The following DPP4 variants were observed in gnomAD, a reference collection of about 807,000 sequenced individuals.
The protein encoded by DPP4 is dipeptidyl peptidase 4.
In DPP4, 93 loss-of-function variants were observed where a neutral mutation model predicts 122.4. That is an observed-to-expected ratio of 0.76 (90% confidence interval 0.64 to 0.90). The LOEUF is 0.90. DPP4 is among the 40% of genes least tolerant of loss of function. The pLI is 0.00. For synonymous variants in DPP4, 321 were observed against 302.9 expected (o/e 1.06, Z -0.62); for missense variants, 914 against 907.3 (o/e 1.01, Z -0.09).
At chr2:162,020,503 C>T in intron 13 of DPP4, 78 bp downstream of exon 13, 1 of 1,171,080 alleles carries the variant, frequency 8.5e-7, no homozygotes, top group Non-Finnish European at 1.2e-6. Context: ...TCCACCTTAC[C>T]AAATGATTTC....
intron 17 of DPP4, 65 bp from the exon 18 acceptor site, chr2:162,016,931 A>G: frequency 6.7e-7 from 1 of 1,497,200 alleles, no homozygotes; most frequent in Non-Finnish European, 9.2e-7. Context: ...ATGTAGTGCA[A>G]TAATGAGCAA....
intron 9 of DPP4, among the ~76,000 whole-genome samples, chr2:162,034,081 G>T (rs907575638): frequency 6.6e-6 from 1 of 151,784 alleles, no homozygotes; most frequent in Non-Finnish European, 1.5e-5. Context: ...AACACCTTGG[G>T]TTCTGCCAAA....
chr2:162,073,331 T>TG, intron 2 of DPP4, 68 bp downstream of exon 2: 1 of 1,530,522 alleles, frequency 6.5e-7, no homozygotes, highest in Non-Finnish European at 9.0e-7. Context: ...TCGTTTCCCT[T>TG]AGCGTGGTAA....
intron 2 of DPP4, among the ~76,000 whole-genome samples, chr2:162,047,789 G>A (rs1024983754): frequency 2.6e-5 from 4 of 152,150 alleles, no homozygotes; most frequent in Non-Finnish European, 5.9e-5. Flanking sequence ...GAAATAGAAT[G>A]TGAGTATATT....
intron 1 of DPP4, 68 bp downstream of exon 1, chr2:162,073,908 C>A: frequency 1.9e-6 from 3 of 1,594,506 alleles, no homozygotes; most frequent in South Asian, 1.1e-5. Flanking sequence ...AGCTTTTGGG[C>A]CATTTGGGGA....
intron 13 of DPP4, 21 bp from the exon 14 acceptor site, chr2:162,020,317 TCAAAA>T: frequency 1.5e-6 from 2 of 1,374,574 alleles, no homozygotes; most frequent in Non-Finnish European, 2.0e-6. Context: ...TTTTTTTTTT[TCAAAA>T]AAAAAAAAAA....
chr2:162,059,465 C>T (rs1684689259), intron 2 of DPP4, among the ~76,000 whole-genome samples: 1 of 152,166 alleles, frequency 6.6e-6, no homozygotes, highest in African/African-American at 2.4e-5. Flanking sequence ...GCCCGTGAAA[C>T]ATGCAACTAT....
chr2:162,035,407 T>C, intron 8 of DPP4, 83 bp from the exon 9 acceptor site: 1 of 1,329,354 alleles, frequency 7.5e-7, no homozygotes, highest in Non-Finnish European at 1.0e-6. Flanking sequence ...CTCATTAGCT[T>C]TAGTAATTAC....
intron 7 of DPP4, 110 bp downstream of exon 7, chr2:162,038,839 A>G (rs1431383714): frequency 4.2e-6 from 4 of 943,752 alleles, no homozygotes; most frequent in South Asian, 2.8e-5. Context: ...ACTATGTTCT[A>G]TAGTGAAGTA....
intron 2 of DPP4, among the ~76,000 whole-genome samples, chr2:162,064,013 G>A (rs1200925171): frequency 6.6e-6 from 1 of 152,148 alleles, no homozygotes; most frequent in Non-Finnish European, 1.5e-5. Flanking sequence ...AGGAGCCTGA[G>A]CATTCATTCC....
At chr2:162,010,820 C>T (rs1032226117) in intron 20 of DPP4, among the ~76,000 whole-genome samples, 106 of 152,096 alleles carry the variant, frequency 7.0e-4, no homozygotes, top group African/African-American at 2.5e-3. Context: ...TTGTCATCTT[C>T]TCCTCTCTCC....
intron 23 of DPP4, among the ~76,000 whole-genome samples, chr2:162,004,009 T>C (rs529993821): frequency 6.6e-6 from 1 of 152,094 alleles, no homozygotes; most frequent in Admixed American, 6.5e-5. Context: ...AGTTTCTGAA[T>C]GGGTGGAGAT....
intron 2 of DPP4, among the ~76,000 whole-genome samples, chr2:162,060,628 A>G (rs933247421): frequency 3.3e-5 from 5 of 152,312 alleles, no homozygotes; most frequent in Admixed American, 1.3e-4. Context: ...AAAAAATTCA[A>G]TGATTCCTCC....
At chr2:162,028,069 A>C (rs1384284483) in intron 10 of DPP4, among the ~76,000 whole-genome samples, 5 of 151,388 alleles carry the variant, frequency 3.3e-5, no homozygotes, top group Non-Finnish European at 7.4e-5. Context: ...AAAAAAAAAA[A>C]AACAAAAAAC....
At chr2:162,026,934 C>T (rs1013480054) in intron 10 of DPP4, among the ~76,000 whole-genome samples, 1 of 152,130 alleles carries the variant, frequency 6.6e-6, no homozygotes, top group African/African-American at 2.4e-5. Flanking sequence ...GCATTGTGGT[C>T]CACATCTCTG....
rs149644529 is a variant in DPP4, at chr2:162,022,802, A to G, written c.1024-3T>C. On this transcript the variant is annotated splice_region_variant and splice_polypyrimidine_tract_variant and intron_variant, in intron 11 of 25. Coordinates refer to ENST00000360534, the MANE Select transcript of DPP4 (RefSeq NM_001935.4). ...CTCATTTCAATGTGTTGCCGTGCCTAGGAAGGGAAAGAGACAATGACAGCA... is the reference window on the plus strand; with the variant it reads ...CTCATTTCAATGTGTTGCCGTGCCTGGGAAGGGAAAGAGACAATGACAGCA... 5.6e-6 allele frequency: 9 copies of G among 1,614,012 alleles called. 1 individual carries two copies. The Middle Eastern group carries it at 5.0e-4, about 89-fold the overall frequency.
intron 10 of DPP4, among the ~76,000 whole-genome samples, chr2:162,028,869 C>T (rs1008772151): frequency 1.3e-5 from 2 of 152,190 alleles, no homozygotes; most frequent in Non-Finnish European, 2.9e-5. Flanking sequence ...TGCCCACTAT[C>T]GCCCAACTGG....
chr2:162,033,483 T>A, intron 10 of DPP4, 58 bp downstream of exon 10: 1 of 1,381,414 alleles, frequency 7.2e-7, no homozygotes, highest in Admixed American at 1.9e-5. Flanking sequence ...TTTTGAAAAG[T>A]TCTCCCTAGA....
At chr2:162,040,849 GATAAGGGAGT>G (rs1420955477) in intron 5 of DPP4, among the ~76,000 whole-genome samples, 4 of 151,842 alleles carry the variant, frequency 2.6e-5, no homozygotes, top group Non-Finnish European at 4.4e-5. Context: ...GGGGAGGGAG[GATAAGGGAGT>G]ATATGGGAAC....
Sources: gnomAD v4.1 joint callset for allele counts (sites outside exome capture counted in the v4.1 genomes callset) on GRCh38, gnomAD v4.1.1 for gene constraint, MANE v1.5 for transcripts, NCBI Gene and HGNC (gene_info 2026-07-23, HGNC 2026-07-21) for gene names.